Variants in CYFIP2 observed in about 807,000 individuals in gnomAD.
CYFIP2 encodes cytoplasmic FMR1-interacting protein 2.
CYFIP2 carries 29 observed loss-of-function variants against 158.7 expected under a neutral mutation model. The observed-to-expected ratio is 0.18, with a 90% CI of 0.14 to 0.25. The LOEUF (loss-of-function observed/expected upper bound fraction) is 0.25. Among genes scored for constraint, CYFIP2 ranks in the 10% least tolerant of loss-of-function variants. The probability of loss-of-function intolerance (pLI) is 1.00; values close to 1 mark genes in which losing one functional copy is unlikely to be tolerated. For synonymous variants in CYFIP2, 585 were observed against 617.6 expected (o/e 0.95, Z 0.78); for missense variants, 852 against 1,639.5 (o/e 0.52, Z 8.29).
intron 26 of CYFIP2, among the ~76,000 whole-genome samples, chr5:157,371,211 G>A (rs1764966943): frequency 6.6e-6 from 1 of 152,162 alleles, no homozygotes; most frequent in Non-Finnish European, 1.5e-5. Flanking sequence ...AACACATTAT[G>A]TGCCTCCATA....
intron 25 of CYFIP2, 128 bp downstream of exon 25, chr5:157,360,500 C>T (rs550890266): frequency 2.9e-5 from 20 of 680,646 alleles, no homozygotes; most frequent in South Asian, 9.6e-5. Flanking sequence ...CATCCTACCC[C>T]GCCACTAGCT....
At chr5:157,296,905 T>A (rs1600014) in intron 5 of CYFIP2, 131 bp downstream of exon 5, 4 of 647,354 alleles carry the variant, frequency 6.2e-6, no homozygotes, top group Admixed American at 5.8e-5. Context: ...GCCCTACACA[T>A]CCCTGGGTGA....
Position 157,361,700 on chromosome 5 carries a change from T to A in CYFIP2, c.3039+102T>A. 1 of 1,414,258 alleles carries A rather than the reference T, an allele frequency of 7.1e-7. No individual in the cohort carries two copies. The highest frequency in any genetic ancestry group is 9.7e-7 in the Non-Finnish European group (1 of 1,031,044). 87.6% of individuals were successfully genotyped at this position (1,414,258 alleles called of 1,614,324 possible). A position where few individuals can be genotyped will look rare whatever the true frequency, so the allele number is the denominator to read the frequency against. On this transcript the variant is annotated intron_variant, in intron 26 of 30. Coordinates refer to ENST00000620254, the MANE Select transcript of CYFIP2 (RefSeq NM_001037333.3). This position sits in a 1 kb window ranked among gnomAD's most constrained non-coding sequence, Gnocchi z 4.4. ...CTGCAGCATTGATTTGTGCTTTGAG[T>A]ACAAGCTCACATGCTCTTTTCAGTT...
At chr5:157,297,981 A>G (rs568637650) in intron 5 of CYFIP2, among the ~76,000 whole-genome samples, 1 of 152,266 alleles carries the variant, frequency 6.6e-6, no homozygotes, top group East Asian at 1.9e-4. Flanking sequence ...TTGGACTTAG[A>G]CTCTGGCAGG....
At chr5:157,288,454 G>A (rs957016285) in intron 3 of CYFIP2, among the ~76,000 whole-genome samples, 7 of 152,168 alleles carry the variant, frequency 4.6e-5, no homozygotes, top group Non-Finnish European at 1.0e-4. Flanking sequence ...GACAAACCCT[G>A]CTCATTCATT....
At chr5:157,339,028 C>T (rs781251404) in intron 21 of CYFIP2, 29 bp from the exon 22 acceptor site, 4 of 1,589,888 alleles carry the variant, frequency 2.5e-6, no homozygotes, top group Non-Finnish European at 3.4e-6. Context: ...AGCAAGTCCT[C>T]AGCAGTTGTG....
intron 23 of CYFIP2, among the ~76,000 whole-genome samples, chr5:157,347,305 G>GAA (rs11447275): frequency 0.23 from 30,821 of 133,926 alleles, 3,697 homozygotes; most frequent in South Asian, 0.31. Flanking sequence ...TTTTCCCTTG[G>GAA]AAAAAAAAAA....
chr5:157,382,573 T>C lies in CYFIP2; in HGVS notation c.3040-17T>C, dbSNP rs754948143. On this transcript the variant is annotated splice_polypyrimidine_tract_variant and intron_variant, in intron 26 of 30. Coordinates refer to ENST00000620254, the MANE Select transcript of CYFIP2 (RefSeq NM_001037333.3). ...AAATGAAAATTGTTTTCTCTTTCTTTACCCCCATCTCTGCAGTCTCAGGAG... is the reference window on the plus strand; with the variant it reads ...AAATGAAAATTGTTTTCTCTTTCTTCACCCCCATCTCTGCAGTCTCAGGAG... 1.4e-5 allele frequency: 23 copies of C among 1,613,512 alleles called. No individual in the cohort carries two copies. The highest frequency in any genetic ancestry group is 2.2e-5 in the South Asian group (2 of 91,028).
At chr5:157,352,864 G>A (rs1763160912) in intron 23 of CYFIP2, among the ~76,000 whole-genome samples, 1 of 152,160 alleles carries the variant, frequency 6.6e-6, no homozygotes, top group African/African-American at 2.4e-5. Flanking sequence ...TGTCATAAGG[G>A]AGAAGCAGAG....
intron 1 of CYFIP2, among the ~76,000 whole-genome samples, chr5:157,275,567 G>A (rs1756475556): frequency 6.6e-6 from 1 of 152,150 alleles, no homozygotes; most frequent in South Asian, 2.1e-4. Context: ...TTGAAATCAG[G>A]AAGTGTGAGT....
chr5:157,353,544 A>T (rs765909772), intron 23 of CYFIP2, among the ~76,000 whole-genome samples: 1 of 152,216 alleles, frequency 6.6e-6, no homozygotes, highest in African/African-American at 2.4e-5. Context: ...ACATAGACAC[A>T]TTAGTAGTTT....
Position 157,393,113 on chromosome 5 carries a change from C to A in CYFIP2, c.*113C>A. On this transcript the variant is annotated 3_prime_UTR_variant, in exon 31 of 31. Transcript: ENST00000620254. ...ACAACGTGTGGGATGGACCTGGAAA[C>A]AAGCACCTCCCCAAACACATCACCA... 2 of 1,246,352 alleles carry A rather than the reference C, an allele frequency of 1.6e-6. No individual in the cohort carries two copies. Among genetic ancestry groups the A allele is most frequent in the Non-Finnish European group, 2.2e-6 (2 of 909,062 alleles). The allele number at this position is 1,246,352 out of a possible 1,614,324, so 77.2% of individuals were successfully genotyped here. A position where few individuals can be genotyped will look rare whatever the true frequency, so the allele number is the denominator to read the frequency against.
chr5:157,329,820 G>A lies in CYFIP2; in HGVS notation c.2157-922G>A, dbSNP rs1488692936. Among the ~76,000 whole-genome samples, 6 of 152,220 alleles carry A rather than the reference G, an allele frequency of 3.9e-5. 1 individual carries two copies. The highest frequency in any genetic ancestry group is 3.9e-4 in the Admixed American group (6 of 15,288). ...GCTGGTGGCTACTACTTTGGACAGT[G>A]TAAATATAGATGGTGTCTCTTTCTT... On this transcript the variant is annotated intron_variant, in intron 19 of 30. Transcript: ENST00000620254.
chr5:157,299,009 T>C (rs573496317), intron 5 of CYFIP2, among the ~76,000 whole-genome samples: 68 of 152,356 alleles, frequency 4.5e-4, no homozygotes, highest in South Asian at 2.5e-3. Flanking sequence ...GGGGCTATTA[T>C]GAACAAACAT....
chr5:157,362,012 A>C (rs546257344), intron 26 of CYFIP2, among the ~76,000 whole-genome samples: 4 of 152,264 alleles, frequency 2.6e-5, no homozygotes, highest in Non-Finnish European at 5.9e-5. Context: ...TCAGGAAAGC[A>C]GAAGTTTCAG....
chr5:157,321,277 T>C (rs11134684), intron 15 of CYFIP2, among the ~76,000 whole-genome samples: 116,321 of 152,252 alleles, frequency 0.76, 45,784 homozygotes, highest in African/African-American at 0.94. Context: ...ACCTTGAGCT[T>C]TCTGAGCTCT....
intron 23 of CYFIP2, among the ~76,000 whole-genome samples, chr5:157,353,123 C>T (rs1763182842): frequency 6.6e-6 from 1 of 152,156 alleles, no homozygotes; most frequent in Non-Finnish European, 1.5e-5. Flanking sequence ...TTGTTCGAAG[C>T]CACCAAATTT....
chr5:157,307,636 GGT>G (rs144622623), intron 8 of CYFIP2, 123 bp from the exon 9 acceptor site: 3,386 of 424,358 alleles, frequency 8.0e-3, no homozygotes, highest in Middle Eastern at 0.011. Flanking sequence ...GTCTCTACAG[GGT>G]GTGTGTGTGT....
At chr5:157,342,292 A>G (rs569175871) in intron 23 of CYFIP2, 1 of 152,776 alleles carries the variant, frequency 6.5e-6, no homozygotes, top group East Asian at 1.9e-4. Flanking sequence ...GTCAATTTAA[A>G]GGAAAGTATT....
Sources: allele counts gnomAD v4.1 joint callset (sites outside exome capture counted in the v4.1 genomes callset), GRCh38; gene constraint gnomAD v4.1.1; non-coding constraint Gnocchi (gnomAD v3.1); transcripts MANE v1.5; gene names NCBI Gene and HGNC (gene_info 2026-07-23, HGNC 2026-07-21).